Variants in TRAF3 observed in about 807,000 individuals in gnomAD.
The protein encoded by TRAF3 is TNF receptor associated factor 3.
A neutral mutation model predicts 62.3 loss-of-function variants in TRAF3; 13 were observed. That is an observed-to-expected ratio of 0.21 (90% CI 0.14 to 0.33). The LOEUF (loss-of-function observed/expected upper bound fraction) is 0.33. Ranked by LOEUF, TRAF3 falls within the 10% of genes least tolerant of loss-of-function variation. The pLI is 1.00. For synonymous variants in TRAF3, 269 were observed against 283.4 expected, an observed-to-expected ratio of 0.95 and a Z score of 0.51; for missense variants, 440 against 741.8, an observed-to-expected ratio of 0.59 and a Z score of 4.73.
At chr14:102,850,750 T>C (rs943591999) in intron 2 of TRAF3, among the ~76,000 whole-genome samples, 1 of 148,954 alleles carries the variant, frequency 6.7e-6, no homozygotes, top group Admixed American at 6.7e-5. Flanking sequence ...GCGCTCCTGG[T>C]AGTTTCTGGT....
intron 7 of TRAF3, among the ~76,000 whole-genome samples, chr14:102,887,421 G>T (rs1292479311): frequency 6.6e-6 from 1 of 152,206 alleles, no homozygotes; most frequent in Non-Finnish European, 1.5e-5. Flanking sequence ...CTCCCCCAGG[G>T]TGTGCCCTCC....
intron 2 of TRAF3, among the ~76,000 whole-genome samples, chr14:102,839,454 A>G (rs905847027): frequency 5.3e-5 from 8 of 152,030 alleles, no homozygotes; most frequent in Admixed American, 3.3e-4. Flanking sequence ...TCCTCACCTC[A>G]AGTGATCCGC....
chr14:102,830,112 C>T (rs549973090), intron 1 of TRAF3, among the ~76,000 whole-genome samples: 2 of 152,356 alleles, frequency 1.3e-5, no homozygotes, highest in South Asian at 4.1e-4. Flanking sequence ...CTGGTGGTTG[C>T]TGCCGAGGCG....
chr14:102,779,993 T>C (rs1897207624), intron 1 of TRAF3, among the ~76,000 whole-genome samples: 1 of 152,126 alleles, frequency 6.6e-6, no homozygotes, highest in African/African-American at 2.4e-5. Flanking sequence ...GCTTTGCGAG[T>C]GTTCATGGAG....
chr14:102,856,035 C>A (rs962796652), intron 2 of TRAF3, among the ~76,000 whole-genome samples: 19 of 139,638 alleles, frequency 1.4e-4, no homozygotes, highest in Non-Finnish European at 4.5e-5. Flanking sequence ...AAGGCTGCAG[C>A]AAGTCACGTT....
intron 2 of TRAF3, among the ~76,000 whole-genome samples, chr14:102,847,039 T>G (rs1886768288): frequency 6.6e-6 from 1 of 152,246 alleles, no homozygotes; most frequent in South Asian, 2.1e-4. Flanking sequence ...AAAAGCAGTT[T>G]TAAAATAATC....
At chr14:102,840,035 C>T (rs545239051) in intron 2 of TRAF3, among the ~76,000 whole-genome samples, 1 of 152,058 alleles carries the variant, frequency 6.6e-6, no homozygotes, top group Non-Finnish European at 1.5e-5. Flanking sequence ...CTTCCATTTC[C>T]ACTATGATGG....
intron 2 of TRAF3, among the ~76,000 whole-genome samples, chr14:102,838,487 C>T (rs1263850149): frequency 6.6e-6 from 1 of 152,184 alleles, no homozygotes; most frequent in East Asian, 1.9e-4. Context: ...GTGTGCCTGC[C>T]GTCCTGCTAG....
chr14:102,896,117 C>T (rs934751367), intron 9 of TRAF3, among the ~76,000 whole-genome samples: 8 of 152,104 alleles, frequency 5.3e-5, no homozygotes, highest in East Asian at 1.9e-4. Context: ...ACACACATTG[C>T]GGAATAATTA....
intron 1 of TRAF3, among the ~76,000 whole-genome samples, chr14:102,799,933 G>C (rs1314808791): frequency 6.6e-6 from 1 of 152,128 alleles, no homozygotes; most frequent in Non-Finnish European, 1.5e-5. Context: ...GGGATGGCTG[G>C]GGTATGTTGT....
intron 6 of TRAF3, among the ~76,000 whole-genome samples, chr14:102,877,186 C>T (rs1229855653): frequency 1.3e-5 from 2 of 150,740 alleles, no homozygotes; most frequent in Non-Finnish European, 2.9e-5. Context: ...ATAATCCGTT[C>T]CACAGGCCTT....
intron 2 of TRAF3, among the ~76,000 whole-genome samples, chr14:102,865,497 ATTTTTT>A (rs558222101): frequency 7.5e-6 from 1 of 133,704 alleles, no homozygotes; most frequent in Non-Finnish European, 1.6e-5. Context: ...GTTAATCTGA[ATTTTTT>A]TTTTTTTTTT....
chr14:102,883,633 T>C (rs1039833452), intron 6 of TRAF3, among the ~76,000 whole-genome samples: 1 of 152,160 alleles, frequency 6.6e-6, no homozygotes, highest in African/African-American at 2.4e-5. Flanking sequence ...CCGCCCAGGC[T>C]GGAGTGCAAT....
intron 6 of TRAF3, among the ~76,000 whole-genome samples, chr14:102,883,582 T>TTTTC (rs201697102): frequency 1.3e-5 from 2 of 152,044 alleles, no homozygotes; most frequent in Non-Finnish European, 2.9e-5. Context: ...TATGCTTTTT[T>TTTTC]TTTCTTTCTT....
intron 1 of TRAF3, among the ~76,000 whole-genome samples, chr14:102,805,675 GC>G (rs1485328997): frequency 6.6e-6 from 1 of 152,164 alleles, no homozygotes; most frequent in African/African-American, 2.4e-5. Context: ...GCTCTACCTG[GC>G]TACGTTTTCC....
At chr14:102,868,902 G>T (rs955242055) in intron 2 of TRAF3, among the ~76,000 whole-genome samples, 5 of 152,184 alleles carry the variant, frequency 3.3e-5, no homozygotes, top group African/African-American at 1.2e-4. Context: ...GACCTTTGTG[G>T]CTTATTTTGA....
chr14:102,838,656 CAGA>C (rs1272935612), intron 2 of TRAF3, among the ~76,000 whole-genome samples: 1 of 152,166 alleles, frequency 6.6e-6, no homozygotes, highest in East Asian at 1.9e-4. Context: ...AACAAAAACA[CAGA>C]AGGAGACAGT....
intron 1 of TRAF3, among the ~76,000 whole-genome samples, chr14:102,810,957 C>T (rs1899091619): frequency 6.6e-6 from 1 of 152,190 alleles, no homozygotes; most frequent in Admixed American, 6.5e-5. Context: ...AGAAGGAATT[C>T]TTCAGGAGAA....
rs56998347 is a variant in TRAF3 at position 102,839,210 on chromosome 14, C to CTTTTTTTTTTTT, written c.-18+8755_-18+8766dup. ...GAGAGATGCTTATTGGTTGATTTGCCTTTTTTTTTTTTTTTTTTTTTTTTT... is the reference window on the plus strand; with the variant it reads ...GAGAGATGCTTATTGGTTGATTTGCCTTTTTTTTTTTTTTTTTTTTTTTTTTTTTTTTTTTTT... On this transcript the variant is annotated intron_variant, in intron 2 of 11. Coordinates refer to ENST00000392745, the MANE Select transcript of TRAF3 (RefSeq NM_145725.3). Among the ~76,000 whole-genome samples the CTTTTTTTTTTTT allele has an allele frequency of 2.0e-4, 18 of 89,828 alleles. 3 individuals are homozygous for CTTTTTTTTTTTT. Among genetic ancestry groups the CTTTTTTTTTTTT allele is most frequent in the African/African-American group, 8.0e-4 (18 of 22,588 alleles). The allele number at this position is 89,828 out of a possible 152,430, so 58.9% of individuals were successfully genotyped here.
Sources: gnomAD v4.1 joint callset for allele counts (sites outside exome capture counted in the v4.1 genomes callset) on GRCh38, gnomAD v4.1.1 for gene constraint, MANE v1.5 for transcripts, NCBI Gene and HGNC (gene_info 2026-07-23, HGNC 2026-07-21) for gene names.